ESR2: variants seen among roughly 807,000 people sequenced by gnomAD.
ESR2 encodes the protein estrogen receptor beta.
In ESR2, 36 loss-of-function variants were observed where a neutral mutation model predicts 49.6. The observed-to-expected ratio is 0.73, with a 90% CI of 0.56 to 0.96. ESR2 has a LOEUF of 0.96. ESR2 is among the 40% of genes least tolerant of loss of function. The pLI is 0.00. For synonymous variants in ESR2, 320 were observed against 266.1 expected, an observed-to-expected ratio of 1.20 and a Z score of -1.97; for missense variants, 714 against 693.0, an observed-to-expected ratio of 1.03 and a Z score of -0.34.
intron 1 of ESR2, among the ~76,000 whole-genome samples, chr14:64,306,364 T>C (rs924315984): frequency 3.3e-5 from 5 of 152,230 alleles, no homozygotes; most frequent in Admixed American, 6.5e-5. Context: ...TTAAAAGTAA[T>C]GTTTATCTCT....
chr14:64,246,823 G>A (rs1403709490), intron 7 of ESR2, among the ~76,000 whole-genome samples: 1 of 149,882 alleles, frequency 6.7e-6, no homozygotes, highest in African/African-American at 2.5e-5. Flanking sequence ...AGTATAAGCT[G>A]GGCCCTCATG....
At chr14:64,338,396 G>A (rs919050282), upstream of ESR2, 16 of 155,008 alleles carry the variant, frequency 1.0e-4, no homozygotes, top group African/African-American at 3.9e-4. Context: ...GCAGAACGCG[G>A]AGGGGCCCGA....
intron 1 of ESR2, among the ~76,000 whole-genome samples, chr14:64,285,673 CAA>C (rs2076771718): frequency 6.6e-6 from 1 of 151,782 alleles, no homozygotes; most frequent in Admixed American, 6.6e-5. Flanking sequence ...ACTAAAAATA[CAA>C]AAGTTAGCCA....
At position 64,228,367 on chromosome 14, in the gene ESR2, C is replaced by A. The variant is rs2098724256; in HGVS notation, c.*4770G>T. On this transcript the variant is annotated 3_prime_UTR_variant, in exon 9 of 9. Transcript: ENST00000341099. ...CTTTATTTATATCATGTTAAACTCT[C>A]TACGACAGTGCCATAGACATTAAAG... Among the ~76,000 whole-genome samples the A allele has an allele frequency of 1.3e-5, 2 of 152,188 alleles. No individual in the cohort carries two copies. The highest frequency in any genetic ancestry group is 4.1e-4 in the South Asian group (2 of 4,832).
chr14:64,241,894 T>G (rs774822093), intron 7 of ESR2, among the ~76,000 whole-genome samples: 1 of 152,228 alleles, frequency 6.6e-6, no homozygotes, highest in Non-Finnish European at 1.5e-5. Flanking sequence ...ACCTCTTTTC[T>G]TGCCTTAATG....
At chr14:64,248,845 A>G (rs977922321) in intron 7 of ESR2, among the ~76,000 whole-genome samples, 8 of 151,774 alleles carry the variant, frequency 5.3e-5, no homozygotes, top group South Asian at 2.1e-4. Flanking sequence ...AGTCCTCCAC[A>G]TGGAAGCCAG....
chr14:64,297,242 A>G (rs1211986802), upstream of ESR2, among the ~76,000 whole-genome samples: 1 of 152,244 alleles, frequency 6.6e-6, no homozygotes, highest in Non-Finnish European at 1.5e-5. Context: ...GTCATGTTAT[A>G]TATGATGGGT....
chr14:64,279,352 T>C (rs941802733), intron 3 of ESR2, among the ~76,000 whole-genome samples: 9 of 152,148 alleles, frequency 5.9e-5, no homozygotes, highest in African/African-American at 2.2e-4. Context: ...TCTTCAAATA[T>C]TTTACAGAGT....
intron 7 of ESR2, among the ~76,000 whole-genome samples, chr14:64,244,739 A>G (rs1363740065): frequency 6.6e-6 from 1 of 152,206 alleles, no homozygotes; most frequent in Non-Finnish European, 1.5e-5. Flanking sequence ...TAGCATGCAG[A>G]CGCATATCAT....
At chr14:64,326,529 G>A (rs1466426478) in intron 1 of ESR2, among the ~76,000 whole-genome samples, 2 of 152,100 alleles carry the variant, frequency 1.3e-5, no homozygotes, top group East Asian at 3.9e-4. Context: ...CAGCTCCCAA[G>A]AGTTGATTAT....
intron 3 of ESR2, among the ~76,000 whole-genome samples, chr14:64,273,738 A>G (rs2076496830): frequency 6.6e-6 from 1 of 151,866 alleles, no homozygotes; most frequent in Admixed American, 6.6e-5. Flanking sequence ...TTCATTGGGG[A>G]TATTGGTCTG....
At chr14:64,227,188 C>T (rs932620064), downstream of ESR2, 1 of 299,374 alleles carries the variant, frequency 3.3e-6, no homozygotes, top group African/African-American at 2.2e-5. Context: ...CCCCTCCTCC[C>T]CTTCTCTGCC....
intron 1 of ESR2, among the ~76,000 whole-genome samples, chr14:64,325,975 C>A (rs1283721715): frequency 1.4e-5 from 2 of 146,408 alleles, no homozygotes; most frequent in Non-Finnish European, 3.0e-5. Context: ...AACAATTATA[C>A]ACAGATTTTT....
chr14:64,264,487 G>A (rs1019511977), intron 4 of ESR2, among the ~76,000 whole-genome samples: 1 of 152,122 alleles, frequency 6.6e-6, no homozygotes, highest in African/African-American at 2.4e-5. Flanking sequence ...ATATACTTTA[G>A]GTTCTGGGAT....
upstream of ESR2, chr14:64,338,341 A>C (rs2077557427): frequency 6.5e-6 from 1 of 154,958 alleles, no homozygotes; most frequent in African/African-American, 2.4e-5. Context: ...TCAGCTGAGG[A>C]GATTCTAAAA....
At chr14:64,250,787 C>T (rs1358319873) in intron 6 of ESR2, among the ~76,000 whole-genome samples, 2 of 152,186 alleles carry the variant, frequency 1.3e-5, no homozygotes, top group Non-Finnish European at 2.9e-5. Context: ...ACTGGATACA[C>T]CAGTCCTGCA....
intron 3 of ESR2, 68 bp from the exon 4 acceptor site, chr14:64,268,979 A>T: frequency 1.1e-6 from 1 of 911,868 alleles, no homozygotes; most frequent in Non-Finnish European, 1.8e-6. Context: ...TTCCTGGTCA[A>T]CAACACTGAT....
chr14:64,268,491 T>C (rs541573392), intron 4 of ESR2, among the ~76,000 whole-genome samples: 1 of 152,326 alleles, frequency 6.6e-6, no homozygotes, highest in East Asian at 1.9e-4. Flanking sequence ...GTTTGAGGAT[T>C]CCAGTGGCTA....
chr14:64,256,113 A>C (rs765921521), intron 6 of ESR2, among the ~76,000 whole-genome samples: 2 of 152,214 alleles, frequency 1.3e-5, no homozygotes, highest in Non-Finnish European at 2.9e-5. Context: ...GTGGCTGAAC[A>C]TTCAACCTAG....
Sources: gnomAD v4.1 joint callset for allele counts (sites outside exome capture counted in the v4.1 genomes callset) on GRCh38, gnomAD v4.1.1 for gene constraint, MANE v1.5 for transcripts, NCBI Gene and HGNC (gene_info 2026-07-23, HGNC 2026-07-21) for gene names.